Variants in NTRK3 observed in about 807,000 individuals in gnomAD.
NTRK3 encodes the protein neurotrophic receptor tyrosine kinase 3.
NTRK3 carries 24 observed loss-of-function variants against 91.7 expected under a neutral mutation model. That is an observed-to-expected ratio of 0.26 (90% CI 0.19 to 0.37). The LOEUF (loss-of-function observed/expected upper bound fraction) is 0.37, where lower values mean the gene tolerates loss of function less well. NTRK3 is among the 10% of genes least tolerant of loss of function. The pLI is 1.00. For synonymous variants in NTRK3, 483 were observed against 404.0 expected (o/e 1.20, Z -2.34); for missense variants, 880 against 1,068.9 (o/e 0.82, Z 2.46).
intron 3 of NTRK3, among the ~76,000 whole-genome samples, chr15:88,251,234 C>G (rs938922526): frequency 2.0e-5 from 3 of 152,188 alleles, no homozygotes; most frequent in Admixed American, 2.0e-4. Flanking sequence ...GGGAGTGCAC[C>G]TCCTCCTGGC....
chr15:88,212,518 G>A (rs988113843), intron 3 of NTRK3, among the ~76,000 whole-genome samples: 2 of 152,140 alleles, frequency 1.3e-5, no homozygotes, highest in Non-Finnish European at 1.5e-5. Flanking sequence ...GTGTGTAAAG[G>A]GTAAAGCTGC....
intron 17 of NTRK3, among the ~76,000 whole-genome samples, chr15:87,894,417 A>G (rs2066002033): frequency 6.6e-6 from 1 of 152,228 alleles, no homozygotes; most frequent in African/African-American, 2.4e-5. Flanking sequence ...GAGGTGGTTT[A>G]GATGGACATG....
intron 13 of NTRK3, among the ~76,000 whole-genome samples, chr15:88,112,440 T>A (rs1314756295): frequency 2.6e-5 from 4 of 152,182 alleles, no homozygotes; most frequent in Non-Finnish European, 5.9e-5. Context: ...CAGAGGGTTT[T>A]TCTTTGCCCT....
At chr15:88,212,299 G>T (rs1250643801) in intron 3 of NTRK3, among the ~76,000 whole-genome samples, 87 of 152,206 alleles carry the variant, frequency 5.7e-4, no homozygotes, top group Non-Finnish European at 7.3e-5. Flanking sequence ...GAACCTGGGA[G>T]GCGGAGCTTG....
intron 5 of NTRK3, among the ~76,000 whole-genome samples, chr15:88,178,254 G>A (rs1010002426): frequency 7.9e-5 from 12 of 152,056 alleles, no homozygotes; most frequent in Middle Eastern, 3.2e-3. Flanking sequence ...TCAGAATCTG[G>A]GGTTATTCCA....
At chr15:88,183,691 C>T (rs1367629521) in intron 4 of NTRK3, among the ~76,000 whole-genome samples, 1 of 152,180 alleles carries the variant, frequency 6.6e-6, no homozygotes, top group South Asian at 2.1e-4. Context: ...CCCAGGGCCC[C>T]GTGAGGCTGG....
chr15:88,013,510 A>T (rs947632846), intron 14 of NTRK3, among the ~76,000 whole-genome samples: 14 of 152,336 alleles, frequency 9.2e-5, no homozygotes, highest in South Asian at 4.1e-4. Context: ...GTGTGAAGTT[A>T]TTTAGAAGTT....
At chr15:88,143,897 A>C (rs530813759) in intron 6 of NTRK3, 1 of 152,334 alleles carries the variant, frequency 6.6e-6, no homozygotes, top group Admixed American at 6.5e-5. Context: ...GAAATACTCC[A>C]ATCTATTTTA....
intron 16 of NTRK3, among the ~76,000 whole-genome samples, chr15:87,932,673 C>G (rs2068909302): frequency 6.6e-6 from 1 of 152,162 alleles, no homozygotes; most frequent in South Asian, 2.1e-4. Context: ...TTTGCAACAT[C>G]AGAGAAGGGT....
intron 3 of NTRK3, among the ~76,000 whole-genome samples, chr15:88,189,563 G>T (rs2047221467): frequency 6.6e-6 from 1 of 152,050 alleles, no homozygotes; most frequent in African/African-American, 2.4e-5. Flanking sequence ...TCCTGCCTTA[G>T]CCTCCCGAGT....
intron 6 of NTRK3, among the ~76,000 whole-genome samples, chr15:88,145,796 T>C (rs1391151526): frequency 1.3e-5 from 2 of 151,852 alleles, no homozygotes; most frequent in African/African-American, 4.8e-5. Flanking sequence ...AAGAAAGAGA[T>C]CCCCCAAGGC....
At chr15:88,113,311 CT>C (rs60232101) in intron 13 of NTRK3, among the ~76,000 whole-genome samples, 49 of 111,654 alleles carry the variant, frequency 4.4e-4, no homozygotes, top group South Asian at 1.3e-3. Context: ...TGATCAATTT[CT>C]TTTTTTTTTT....
chr15:88,137,624 G>C (rs2042001171), intron 6 of NTRK3, 63 bp from the exon 7 acceptor site: 7 of 1,575,548 alleles, frequency 4.4e-6, no homozygotes, highest in South Asian at 2.3e-5. Flanking sequence ...ACCCTCCCAG[G>C]GCTATGAGGA....
intron 17 of NTRK3, chr15:87,928,938 C>T: frequency 1.7e-6 from 1 of 604,268 alleles, no homozygotes; most frequent in South Asian, 2.0e-5. Context: ...GAACACAATG[C>T]ATATGTTATT....
At chr15:88,016,859 T>C (rs1490700904) in intron 14 of NTRK3, among the ~76,000 whole-genome samples, 3 of 150,712 alleles carry the variant, frequency 2.0e-5, no homozygotes. Context: ...TCTGGGGATA[T>C]TTTTTTTTCT....
exon 9 of NTRK3, chr15:88,135,941 C>G (rs761351571): frequency 1.2e-5 from 20 of 1,614,110 alleles, no homozygotes; most frequent in Non-Finnish European, 1.6e-5. Context: ...ATGCCCACCA[C>G]GTTCTCTGCA....
rs1268676297 is a variant in NTRK3, at chr15:88,255,803, C to T, written c.248+103G>A. 6.0e-6 allele frequency: 6 copies of T among 1,006,328 alleles called. No homozygotes were observed. Among genetic ancestry groups the T allele is most frequent in the South Asian group, 2.8e-5 (1 of 35,112 alleles). 62.3% of individuals were successfully genotyped at this position (1,006,328 alleles called of 1,614,324 possible). On this transcript the variant is annotated intron_variant, in intron 3 of 18. Coordinates refer to ENST00000394480, the Ensembl canonical transcript of NTRK3. The surrounding 1 kb of genome is among the most constrained non-coding windows in gnomAD (Gnocchi z 4.3). ...CGCGCGCCCAGCGGGCGGCGGGCAG[C>T]GGCGAGCTGGGGCGGGCGGAGGGCC... is the stretch of plus-strand genomic sequence containing the variant.
chr15:88,103,095 G>C (rs1042307802), intron 13 of NTRK3, among the ~76,000 whole-genome samples: 1 of 152,164 alleles, frequency 6.6e-6, no homozygotes, highest in Non-Finnish European at 1.5e-5. Flanking sequence ...GGCTCAAGGA[G>C]GTTAGGCAAG....
intron 17 of NTRK3, among the ~76,000 whole-genome samples, chr15:87,894,652 A>C (rs2066017417): frequency 6.6e-6 from 1 of 152,212 alleles, no homozygotes; most frequent in South Asian, 2.1e-4. Flanking sequence ...CTAGTTAATC[A>C]GAATGATATA....
Sources: gnomAD v4.1 joint callset for allele counts (sites outside exome capture counted in the v4.1 genomes callset) on GRCh38, gnomAD v4.1.1 for gene constraint, Gnocchi (gnomAD v3.1) non-coding constraint, MANE v1.5 for transcripts, NCBI Gene and HGNC (gene_info 2026-07-23, HGNC 2026-07-21) for gene names.